The following MCTP2 variants were observed in gnomAD, a reference collection of about 807,000 sequenced individuals.
The protein encoded by MCTP2 is multiple C2 and transmembrane domain-containing protein 2.
Under a neutral mutation model 111.6 loss-of-function variants are expected in MCTP2, and 132 were observed. The ratio of observed to expected loss-of-function variants is 1.18; its 90% CI spans 1.03 to 1.37. The LOEUF (loss-of-function observed/expected upper bound fraction) is 1.37. MCTP2 is among the 40% of genes most tolerant of loss of function. The pLI, the probability that MCTP2 is intolerant of heterozygous loss-of-function variation, is 0.00. For synonymous variants in MCTP2, 395 were observed against 387.7 expected (o/e 1.02, Z -0.22); for missense variants, 1,183 against 1,067.9 (o/e 1.11, Z -1.50).
At chr15:94,392,262 C>T (rs1318143359) in intron 14 of MCTP2, among the ~76,000 whole-genome samples, 1 of 151,926 alleles carries the variant, frequency 6.6e-6, no homozygotes, top group Non-Finnish European at 1.5e-5. Flanking sequence ...GTCCCAGCTA[C>T]TCAGGAGGCT....
intron 10 of MCTP2, 26 bp downstream of exon 10, chr15:94,358,638 C>T (rs367884302): frequency 9.2e-5 from 148 of 1,610,792 alleles, no homozygotes; most frequent in Non-Finnish European, 1.1e-4. Context: ...TTTCCAGTGG[C>T]GGGAGCATGT....
intron 1 of MCTP2, among the ~76,000 whole-genome samples, chr15:94,245,639 T>G (rs553146591): frequency 6.8e-6 from 1 of 146,378 alleles, no homozygotes; most frequent in Non-Finnish European, 1.5e-5. Context: ...CATATACTTA[T>G]ACATATACAT....
intron 14 of MCTP2, among the ~76,000 whole-genome samples, chr15:94,391,127 C>G (rs752839737): frequency 6.6e-6 from 1 of 151,988 alleles, no homozygotes; most frequent in Non-Finnish European, 1.5e-5. Context: ...TTTATACTGT[C>G]CTTCTAAATT....
At chr15:94,462,084 G>A (rs2085249526) in intron 20 of MCTP2, among the ~76,000 whole-genome samples, 1 of 152,180 alleles carries the variant, frequency 6.6e-6, no homozygotes, top group Non-Finnish European at 1.5e-5. Flanking sequence ...GGGAAGAAGA[G>A]TCAGAGGACC....
At chr15:94,447,672 C>T (rs1421011261) in intron 19 of MCTP2, among the ~76,000 whole-genome samples, 3 of 152,132 alleles carry the variant, frequency 2.0e-5, no homozygotes, top group African/African-American at 4.8e-5. Context: ...CCACCATGAC[C>T]GGCCTGTTTG....
At chr15:94,363,699 T>A (rs2079049223) in intron 10 of MCTP2, among the ~76,000 whole-genome samples, 1 of 152,150 alleles carries the variant, frequency 6.6e-6, no homozygotes, top group Non-Finnish European at 1.5e-5. Flanking sequence ...ATTTCCATCG[T>A]GTAAATCTTG....
At chr15:94,277,000 C>T (rs531460884) in intron 1 of MCTP2, among the ~76,000 whole-genome samples, 1 of 149,986 alleles carries the variant, frequency 6.7e-6, no homozygotes, top group Non-Finnish European at 1.5e-5. Context: ...ACAAAACTGT[C>T]CTCATTTGAA....
intron 19 of MCTP2, among the ~76,000 whole-genome samples, chr15:94,452,323 T>A (rs567045196): frequency 2.0e-5 from 3 of 152,256 alleles, no homozygotes; most frequent in African/African-American, 7.2e-5. Flanking sequence ...CATTTGCTAT[T>A]AGGATGATTA....
Position 94,478,967 on chromosome 15 carries a change from T to C in MCTP2, c.2570T>C (p.Val857Ala). The change falls in exon 23 of 23, where the codon GTG (valine) becomes GCG (alanine). Residue 857 changes from valine to alanine, a missense_variant and splice_region_variant. Coordinates refer to ENST00000357742, the MANE Select transcript of MCTP2 (RefSeq NM_001385001.1). ...CATCACGGCTATTTGTTTTCACAGGTGCAGTATGCAGAATTGAAACTCTGC... is the reference window on the plus strand; with the variant it reads ...CATCACGGCTATTTGTTTTCACAGGCGCAGTATGCAGAATTGAAACTCTGC... The part of the protein sequence containing the change: ...LSRVPSDVQK[V>A]QYAELKLCSS... The C allele has an allele frequency of 1.2e-6, 2 of 1,613,946 alleles. No individual in the cohort carries two copies. Among genetic ancestry groups the C allele is most frequent in the East Asian group, 2.2e-5 (1 of 44,848 alleles).
Position 94,466,020 on chromosome 15 carries a change from T to C in MCTP2, c.2361-4313T>C, listed in dbSNP as rs140668341. On this transcript the variant is annotated intron_variant, in intron 20 of 22. Transcript: ENST00000357742. Reference sequence around the variant, plus strand: ...AAAATCTTGGACTGTATTAGTTCTCTGCAGTTTAAAATCCTGTCCAATTCA... The same window carrying C: ...AAAATCTTGGACTGTATTAGTTCTCCGCAGTTTAAAATCCTGTCCAATTCA... Among the ~76,000 whole-genome samples the C allele has an allele frequency of 9.2e-5, 14 of 152,338 alleles. No individual in the cohort carries two copies. The East Asian group carries it at 2.7e-3, about 29-fold the overall frequency.
At chr15:94,377,863 A>T (rs16974353) in intron 12 of MCTP2, among the ~76,000 whole-genome samples, 8,045 of 152,170 alleles carry the variant, frequency 0.053, 690 homozygotes, top group African/African-American at 0.18. Flanking sequence ...ACCGCAGAGA[A>T]GAAGGAAAGG....
intron 3 of MCTP2, 83 bp from the exon 4 acceptor site, chr15:94,315,446 C>T: frequency 8.3e-6 from 8 of 963,120 alleles, no homozygotes; most frequent in African/African-American, 3.3e-5. Context: ...TTCTTTTTTC[C>T]CTCCAAAATC....
intron 17 of MCTP2, among the ~76,000 whole-genome samples, chr15:94,424,708 T>C (rs924110497): frequency 2.6e-5 from 4 of 152,202 alleles, no homozygotes; most frequent in African/African-American, 9.6e-5. Flanking sequence ...ATTTTGCATC[T>C]TAGAAAACTC....
At chr15:94,255,908 GTACT>G (rs567338927) in intron 1 of MCTP2, among the ~76,000 whole-genome samples, 53 of 152,196 alleles carry the variant, frequency 3.5e-4, no homozygotes, top group Middle Eastern at 3.4e-3. Context: ...CTTTACAGTT[GTACT>G]TACTTCTGTT....
At chr15:94,285,514 A>AT (rs35878311) in intron 1 of MCTP2, among the ~76,000 whole-genome samples, 64,509 of 151,318 alleles carry the variant, frequency 0.43, 13,779 homozygotes, top group African/African-American at 0.48. Context: ...TTCACAATTT[A>AT]TTTTTTTTTG....
chr15:94,245,065 C>A (rs904193522), intron 1 of MCTP2, among the ~76,000 whole-genome samples: 2 of 147,276 alleles, frequency 1.4e-5, no homozygotes, highest in South Asian at 4.3e-4. Flanking sequence ...TACATATGTA[C>A]CTGTTTACGT....
chr15:94,244,258 A>G (rs1396899661), intron 1 of MCTP2, among the ~76,000 whole-genome samples: 2 of 139,376 alleles, frequency 1.4e-5, no homozygotes, highest in African/African-American at 2.8e-5. Context: ...ACATATGTGT[A>G]TATATTTATA....
chr15:94,352,770 A>G (rs2078376838), intron 8 of MCTP2, among the ~76,000 whole-genome samples: 1 of 152,204 alleles, frequency 6.6e-6, no homozygotes, highest in Non-Finnish European at 1.5e-5. Context: ...TGAGGGAAAA[A>G]AGGGGTGTTT....
At chr15:94,465,167 GA>G (rs1469938115) in intron 20 of MCTP2, among the ~76,000 whole-genome samples, 1 of 152,024 alleles carries the variant, frequency 6.6e-6, no homozygotes, top group South Asian at 2.1e-4. Flanking sequence ...TTTCTTGGTT[GA>G]TTGGAGCATT....
Sources: gnomAD v4.1 joint callset for allele counts (sites outside exome capture counted in the v4.1 genomes callset) on GRCh38, gnomAD v4.1.1 for gene constraint, MANE v1.5 for transcripts, NCBI Gene and HGNC (gene_info 2026-07-23, HGNC 2026-07-21) for gene names.